Variants in BAHCC1 observed in about 807,000 individuals in gnomAD.
The protein encoded by BAHCC1 is BAH domain and coiled-coil containing 1.
Under a neutral mutation model 88.2 loss-of-function variants are expected in BAHCC1, and 43 were observed. The ratio of observed to expected loss-of-function variants is 0.49; its 90% CI spans 0.38 to 0.63. BAHCC1 has a LOEUF of 0.63. Among genes scored for constraint, BAHCC1 ranks in the 20% least tolerant of loss-of-function variants. The pLI, the probability that BAHCC1 is intolerant of heterozygous loss-of-function variation, is 0.00. For synonymous variants in BAHCC1, 1,510 were observed against 745.5 expected, an observed-to-expected ratio of 2.03 and a Z score of -16.71; for missense variants, 3,023 against 1,654.8, an observed-to-expected ratio of 1.83 and a Z score of -14.34.
At chr17:81,455,575 A>C (rs2064733726) in intron 15 of BAHCC1, among the ~76,000 whole-genome samples, 185 bp downstream of exon 15, 1 of 152,184 alleles carries the variant, frequency 6.6e-6, no homozygotes, top group African/African-American at 2.4e-5. Context: ...TAACACAGGA[A>C]GGTCTGACCG....
intron 2 of BAHCC1, among the ~76,000 whole-genome samples, chr17:81,416,369 CGT>C (rs2064025251): frequency 9.3e-6 from 1 of 107,884 alleles, no homozygotes; most frequent in Non-Finnish European, 1.8e-5. Context: ...TGGGTCTATG[CGT>C]GTGTCCATGA....
Position 81,411,435 on chromosome 17 carries a change from G to C in BAHCC1, c.178+11518G>C. ...AAATTGATCAGGGAGGGTGGGGTTG[G>C]GGGGGAACAGGGTCCTTGAGGTCGT... On this transcript the variant is annotated intron_variant, in intron 2 of 27. Transcript: ENST00000675386. This position sits in a 1 kb window ranked among gnomAD's most constrained non-coding sequence, Gnocchi z 6.2. The C allele has an allele frequency of 2.8e-6, 1 of 359,924 alleles. No homozygotes were observed. The highest frequency in any genetic ancestry group is 5.5e-6 in the Non-Finnish European group (1 of 180,676). 22.3% of individuals were successfully genotyped at this position (359,924 alleles called of 1,614,324 possible). A position where few individuals can be genotyped will look rare whatever the true frequency, so the allele number is the denominator to read the frequency against.
intron 27 of BAHCC1, 146 bp from the exon 28 acceptor site, chr17:81,463,465 G>A: frequency 1.5e-6 from 1 of 647,852 alleles, no homozygotes; most frequent in Non-Finnish European, 2.8e-6. Flanking sequence ...CTGGTCCCTG[G>A]CAGGTTCCTC....
intron 2 of BAHCC1, among the ~76,000 whole-genome samples, chr17:81,410,531 G>A (rs145355532): frequency 8.3e-4 from 127 of 152,346 alleles, no homozygotes; most frequent in African/African-American, 2.9e-3. Flanking sequence ...AGCATGTCCT[G>A]GGGCGTTGGA....
chr17:81,411,424 G>T lies in BAHCC1; in HGVS notation c.178+11507G>T. 1 of 358,094 alleles carries T rather than the reference G, an allele frequency of 2.8e-6. No homozygotes were observed. Among genetic ancestry groups the T allele is most frequent in the Non-Finnish European group, 5.6e-6 (1 of 179,834 alleles). The allele number at this position is 358,094 out of a possible 1,614,324, so 22.2% of individuals were successfully genotyped here. On this transcript the variant is annotated intron_variant, in intron 2 of 27. Transcript: ENST00000675386. This position sits in a 1 kb window ranked among gnomAD's most constrained non-coding sequence, Gnocchi z 6.2. ...CCACTGCATTCAAATTGATCAGGGA[G>T]GGTGGGGTTGGGGGGGAACAGGGTC... is the stretch of plus-strand genomic sequence containing the variant.
intron 1 of BAHCC1, among the ~76,000 whole-genome samples, chr17:81,398,928 G>A (rs1388355705): frequency 1.3e-5 from 2 of 148,640 alleles, no homozygotes; most frequent in Non-Finnish European, 3.0e-5. Context: ...GAAAAGGAAG[G>A]TTATTAAAAA....
intron 14 of BAHCC1, among the ~76,000 whole-genome samples, chr17:81,453,917 G>T (rs1038390387): frequency 6.6e-6 from 1 of 152,254 alleles, no homozygotes. Flanking sequence ...GTGCCTTGTG[G>T]CCCATGGCTT....
At chr17:81,396,352 CACCGCGCGCGTTCGGG>C (rs2063746096) in intron 1 of BAHCC1, 1 of 152,108 alleles carries the variant, frequency 6.6e-6, no homozygotes, top group African/African-American at 2.4e-5. Context: ...GGGGCGTTTT[CACCGCGCGCGTTCGGG>C]ACGGCGCGCG....
Position 81,447,769 on chromosome 17 carries a change from A to T in BAHCC1, c.3897A>T (p.Ser1299=). The change falls in exon 11 of 28, where the codon TCA becomes TCT. Residue 1299 remains serine, a synonymous_variant. Transcript: ENST00000675386. ...GCACAGTCCCCCTGCCTCATAGCTC[A>T]GGGATTCATGGGATCGCTCTGCTCA... ...PPSTVPLPHS[S]GIHGIALLSE... is the part of the protein sequence containing the mutation. 1.3e-6 allele frequency: 1 copy of T among 749,390 alleles called. No individual in the cohort carries two copies. Among genetic ancestry groups the T allele is most frequent in the Admixed American group, 1.8e-5 (1 of 54,834 alleles). 46.4% of individuals were successfully genotyped at this position (749,390 alleles called of 1,614,324 possible). A position where few individuals can be genotyped will look rare whatever the true frequency, so the allele number is the denominator to read the frequency against.
chr17:81,422,955 G>A lies in BAHCC1; in HGVS notation c.179-3845G>A, dbSNP rs565512452. 1.1e-3 allele frequency: 321 copies of A among 283,538 alleles called. 2 individuals carry two copies. Among genetic ancestry groups the A allele is most frequent in the South Asian group, 7.8e-3 (301 of 38,436 alleles). The allele number at this position is 283,538 out of a possible 1,614,324, so 17.6% of individuals were successfully genotyped here. A position where few individuals can be genotyped will look rare whatever the true frequency, so the allele number is the denominator to read the frequency against. ...CATGCCCCAGTGTCCCCAAGCAGGG[G>A]AAGCCAGCACTTCCCTTCCCAACCC... On this transcript the variant is annotated intron_variant, in intron 2 of 27. Coordinates refer to ENST00000675386, the MANE Select transcript of BAHCC1 (RefSeq NM_001377448.1).
intron 6 of BAHCC1, 139 bp from the exon 7 acceptor site, chr17:81,444,240 CAG>C: frequency 1.6e-6 from 1 of 614,274 alleles, no homozygotes. Context: ...AGGTTGATGG[CAG>C]GGGGTGGGAC....
chr17:81,399,582 G>A lies in BAHCC1; in HGVS notation c.-158G>A, dbSNP rs1555645603. The A allele has an allele frequency of 4.3e-6, 2 of 461,794 alleles. No homozygotes were observed. Among genetic ancestry groups the A allele is most frequent in the African/African-American group, 2.1e-5 (1 of 46,564 alleles). 28.6% of individuals were successfully genotyped at this position (461,794 alleles called of 1,614,324 possible). A position where few individuals can be genotyped will look rare whatever the true frequency, so the allele number is the denominator to read the frequency against. Reference sequence around the variant, plus strand: ...CTGGCTCGGTGCGCGGCCGCCCGCCGAGAAGCCCAGTCCTCCCGCGTGCTG... The same window carrying A: ...CTGGCTCGGTGCGCGGCCGCCCGCCAAGAAGCCCAGTCCTCCCGCGTGCTG... On this transcript the variant is annotated 5_prime_UTR_variant, in exon 2 of 28. Coordinates refer to ENST00000675386, the MANE Select transcript of BAHCC1 (RefSeq NM_001377448.1). The surrounding 1 kb of genome is among the most constrained non-coding windows in gnomAD (Gnocchi z 4.5).
intron 17 of BAHCC1, 25 bp from the exon 18 acceptor site, chr17:81,458,140 T>C: frequency 1.4e-6 from 1 of 715,708 alleles, no homozygotes; most frequent in South Asian, 1.5e-5. Flanking sequence ...GGGACCCCTG[T>C]GACGGCCTCC....
At chr17:81,407,018 C>T (rs782396708) in intron 2 of BAHCC1, 2 of 455,600 alleles carry the variant, frequency 4.4e-6, no homozygotes, top group Admixed American at 2.4e-5. Context: ...TCCCTTCTCT[C>T]CCCTAGGATC....
intron 3 of BAHCC1, among the ~76,000 whole-genome samples, chr17:81,428,627 T>G (rs1326940513): frequency 6.6e-6 from 1 of 152,196 alleles, no homozygotes; most frequent in Non-Finnish European, 1.5e-5. Context: ...GAGGGCCGTT[T>G]GTGGGTAGCA....
intron 3 of BAHCC1, among the ~76,000 whole-genome samples, 158 bp downstream of exon 3, chr17:81,427,137 G>A (rs921190980): frequency 6.6e-6 from 1 of 152,152 alleles, no homozygotes; most frequent in Non-Finnish European, 1.5e-5. Context: ...TCCCTGCCGA[G>A]GAAGCCCCGG....
chr17:81,424,600 G>T (rs2064152463), intron 2 of BAHCC1, among the ~76,000 whole-genome samples: 1 of 152,026 alleles, frequency 6.6e-6, no homozygotes, highest in Non-Finnish European at 1.5e-5. Flanking sequence ...GTGGTGGTGT[G>T]GTTGTTGTTG....
chr17:81,450,022 C>T (rs2064604926), intron 11 of BAHCC1, among the ~76,000 whole-genome samples: 1 of 152,140 alleles, frequency 6.6e-6, no homozygotes, highest in Non-Finnish European at 1.5e-5. Flanking sequence ...GGGGTTCTCC[C>T]GCACTCCTGC....
chr17:81,413,200 C>G (rs1555648113), intron 2 of BAHCC1: 1 of 347,286 alleles, frequency 2.9e-6, no homozygotes, highest in Non-Finnish European at 5.8e-6. Context: ...GGCTGCCTCC[C>G]CTGTGCTGAC....
Sources: allele counts gnomAD v4.1 joint callset (sites outside exome capture counted in the v4.1 genomes callset), GRCh38; gene constraint gnomAD v4.1.1; non-coding constraint Gnocchi (gnomAD v3.1); transcripts MANE v1.5; gene names NCBI Gene and HGNC (gene_info 2026-07-23, HGNC 2026-07-21).